Variants in TOGARAM1 observed in about 807,000 individuals in gnomAD.
The protein encoded by TOGARAM1 is TOG array regulator of axonemal microtubules protein 1.
TOGARAM1 carries 100 observed loss-of-function variants against 166.6 expected under a neutral mutation model. The observed-to-expected ratio is 0.60, with a 90% CI of 0.51 to 0.71. The LOEUF is 0.71. Ranked by LOEUF, TOGARAM1 falls within the 30% of genes least tolerant of loss-of-function variation. The pLI, the probability that TOGARAM1 is intolerant of heterozygous loss-of-function variation, is 0.00. For missense variants in TOGARAM1, 2,029 were observed against 2,102.7 expected, an observed-to-expected ratio of 0.96 and a Z score of 0.69; for synonymous variants, 758 against 763.8, an observed-to-expected ratio of 0.99 and a Z score of 0.13.
intron 17 of TOGARAM1, 75 bp from the exon 18 acceptor site, chr14:45,068,349 A>G: frequency 9.6e-7 from 1 of 1,045,272 alleles, no homozygotes; most frequent in East Asian, 2.6e-5. Flanking sequence ...AAATATTATG[A>G]CATGCCAAGA....
At chr14:44,981,672 G>GA (rs1886540468) in intron 1 of TOGARAM1, among the ~76,000 whole-genome samples, 2 of 152,010 alleles carry the variant, frequency 1.3e-5, no homozygotes, top group Admixed American at 1.3e-4. Flanking sequence ...AAAAATATGG[G>GA]AAAGCACAGA....
intron 1 of TOGARAM1, among the ~76,000 whole-genome samples, chr14:44,982,606 A>G (rs1039796455): frequency 6.6e-6 from 1 of 152,220 alleles, no homozygotes; most frequent in African/African-American, 2.4e-5. Context: ...GACATATAAA[A>G]GGGCAGTTTT....
rs199715368 is a variant in TOGARAM1 at position 45,009,040 on chromosome 14, C to G, written c.3032C>G (p.Ser1011Cys). 161 of 1,614,006 alleles carry G rather than the reference C, an allele frequency of 1.0e-4. No homozygotes were observed. Among genetic ancestry groups the G allele is most frequent in the Non-Finnish European group, 1.3e-4 (150 of 1,180,002 alleles). Reference sequence around the variant, plus strand: ...CTCGACTTGACGATGGACTCCCCGTCTCTGTCTTCCTCACCAAACATCAAT... The same window carrying G: ...CTCGACTTGACGATGGACTCCCCGTGTCTGTCTTCCTCACCAAACATCAAT... Reference protein sequence around the residue: ...MKLDLTMDSPSLSSSPNINSY... With the variant: ...MKLDLTMDSPCLSSSPNINSY... Residue 1011 changes from serine to cysteine, a missense_variant, in exon 6 of 20, where the codon TCT becomes TGT. Coordinates refer to ENST00000361462, the MANE Select transcript of TOGARAM1 (RefSeq NM_001308120.2).
intron 1 of TOGARAM1, among the ~76,000 whole-genome samples, chr14:44,967,880 T>G (rs1310485202): frequency 1.3e-5 from 2 of 152,184 alleles, no homozygotes; most frequent in African/African-American, 4.8e-5. Flanking sequence ...TATAATCTGG[T>G]TATATGTTAT....
rs547107065 is a variant in TOGARAM1, at chr14:45,033,949, T to C, written c.3812+1573T>C. On this transcript the variant is annotated intron_variant, in intron 11 of 19. Coordinates refer to ENST00000361462, the MANE Select transcript of TOGARAM1 (RefSeq NM_001308120.2). ...AGGCCAGATGACTTGAGGTCAGGAG[T>C]TCGAGACCAGCCTGGCCAACATGGT... is the stretch of plus-strand genomic sequence containing the variant. Among the ~76,000 whole-genome samples the C allele has an allele frequency of 5.3e-4, 80 of 151,884 alleles. 2 individuals are homozygous for C. The South Asian group carries it at 0.016, about 30-fold the overall frequency.
Position 45,032,228 on chromosome 14 carries a change from A to G in TOGARAM1, c.3664A>G (p.Thr1222Ala), listed in dbSNP as rs148166566. 4 of 1,600,192 alleles carry G rather than the reference A, an allele frequency of 2.5e-6. No homozygotes were observed. The African/African-American group carries it at 5.4e-5, about 22-fold the overall frequency. The change falls in exon 11 of 20, where the codon ACA (threonine) becomes GCA (alanine). Residue 1222 changes from threonine (T) to alanine (A), a missense_variant. Physicochemically the swap from Thr to Ala is moderately conservative, Grantham distance 58. Around this residue, in one of 2 missense-constraint regions of TOGARAM1, gnomAD observed 576 missense variants for 670.5 expected, o/e 0.86. Coordinates refer to ENST00000361462, the MANE Select transcript of TOGARAM1 (RefSeq NM_001308120.2). ...TTTAATGTATTTTGTTTTAGGTGAA[A>G]CACCTACTGGAGCTATTTCACAGTA... is the stretch of plus-strand genomic sequence containing the variant. ...GTEKMASESE[T>A]PTGAISQYKE...
At chr14:45,050,510 C>G (rs1882309445) in intron 14 of TOGARAM1, among the ~76,000 whole-genome samples, 1 of 152,138 alleles carries the variant, frequency 6.6e-6, no homozygotes, top group Admixed American at 6.6e-5. Context: ...ACCTTGTCCT[C>G]TCAAAGTGCT....
chr14:45,003,418 A>G (rs561680831), intron 3 of TOGARAM1, among the ~76,000 whole-genome samples: 1 of 152,288 alleles, frequency 6.6e-6, no homozygotes, highest in Non-Finnish European at 1.5e-5. Flanking sequence ...AAAAAATAAT[A>G]AATAGTACAA....
At chr14:45,067,035 C>T (rs923810986) in intron 17 of TOGARAM1, among the ~76,000 whole-genome samples, 1 of 152,060 alleles carries the variant, frequency 6.6e-6, no homozygotes, top group East Asian at 1.9e-4. Flanking sequence ...TATCTATATA[C>T]AAATTACACA....
intron 14 of TOGARAM1, among the ~76,000 whole-genome samples, chr14:45,046,961 C>T (rs374859044): frequency 2.0e-5 from 3 of 152,080 alleles, no homozygotes; most frequent in South Asian, 2.1e-4. Context: ...TTCATGAAAA[C>T]GGCACAAGAC....
chr14:45,043,097 G>C (rs941080871), intron 11 of TOGARAM1, among the ~76,000 whole-genome samples: 3 of 152,104 alleles, frequency 2.0e-5, no homozygotes, highest in African/African-American at 7.2e-5. Context: ...GTAGCTACTT[G>C]TATCTATTAC....
chr14:45,033,881 G>A (rs1056072200), intron 11 of TOGARAM1, among the ~76,000 whole-genome samples: 3 of 152,238 alleles, frequency 2.0e-5, no homozygotes, highest in African/African-American at 7.2e-5. Context: ...AGTTTTCAAG[G>A]GGTGGGCACA....
intron 14 of TOGARAM1, among the ~76,000 whole-genome samples, chr14:45,049,355 C>T (rs1035479013): frequency 4.0e-5 from 6 of 151,876 alleles, no homozygotes; most frequent in Non-Finnish European, 5.9e-5. Context: ...CTCCGCCTTC[C>T]GGGTTCAAGC....
At chr14:45,013,974 G>A (rs531219454) in intron 7 of TOGARAM1, among the ~76,000 whole-genome samples, 3 of 151,864 alleles carry the variant, frequency 2.0e-5, no homozygotes, top group Non-Finnish European at 1.5e-5. Flanking sequence ...AGTTTTAGCA[G>A]AGTGATCTCA....
intron 16 of TOGARAM1, among the ~76,000 whole-genome samples, chr14:45,063,703 C>G (rs1488251611): frequency 6.6e-6 from 1 of 152,126 alleles, no homozygotes; most frequent in Admixed American, 6.5e-5. Flanking sequence ...TGGTCTCCAT[C>G]TCTTGACCTT....
At chr14:45,065,426 A>T (rs1395092045) in intron 16 of TOGARAM1, among the ~76,000 whole-genome samples, 1 of 152,236 alleles carries the variant, frequency 6.6e-6, no homozygotes, top group East Asian at 1.9e-4. Flanking sequence ...ACATTCACAT[A>T]TACACAAAAA....
chr14:44,974,086 T>C (rs555689288), intron 1 of TOGARAM1, among the ~76,000 whole-genome samples: 3 of 152,156 alleles, frequency 2.0e-5, no homozygotes, highest in Admixed American at 2.0e-4. Flanking sequence ...TCAGTAATTA[T>C]TGCCTCAAAT....
chr14:45,019,744 G>T (rs371539227), intron 7 of TOGARAM1, among the ~76,000 whole-genome samples: 2 of 152,118 alleles, frequency 1.3e-5, no homozygotes, highest in Non-Finnish European at 2.9e-5. Context: ...AGGTGGATGC[G>T]GTCACCTTCC....
chr14:44,962,919 G>C lies in TOGARAM1; in HGVS notation c.498G>C (p.Gln166His). The C allele has an allele frequency of 1.9e-6, 3 of 1,614,158 alleles. No homozygotes were observed. Among genetic ancestry groups the C allele is most frequent in the Non-Finnish European group, 8.5e-7 (1 of 1,180,042 alleles). ...LQLLSDVLRG[Q>H]GEAGQLEEAF... ...TTCTCTCGGACGTTCTCCGGGGTCA[G>C]GGGGAGGCAGGCCAGCTTGAAGAGG... Residue 166 changes from glutamine (Q) to histidine (H), a missense_variant, in exon 1 of 20, where the codon CAG (glutamine) becomes CAC (histidine). Gln to His is a conservative substitution (Grantham distance 24). Around this residue, in one of 2 missense-constraint regions of TOGARAM1, gnomAD observed 1,453 missense variants for 1,432.2 expected, o/e 1.01. Coordinates refer to ENST00000361462, the MANE Select transcript of TOGARAM1 (RefSeq NM_001308120.2).
Sources: gnomAD v4.1 joint callset for allele counts (sites outside exome capture counted in the v4.1 genomes callset) on GRCh38, gnomAD v4.1.1 for gene constraint, gnomAD v4.1.1 regional missense constraint, MANE v1.5 for transcripts, NCBI Gene and HGNC (gene_info 2026-07-23, HGNC 2026-07-21) for gene names.